TLN2: variants seen among roughly 807,000 people sequenced by gnomAD.
The protein encoded by TLN2 is talin 2.
In TLN2, 118 loss-of-function variants were observed where a neutral mutation model predicts 294.7. That is an observed-to-expected ratio of 0.40 (90% CI 0.34 to 0.47). The LOEUF (loss-of-function observed/expected upper bound fraction) is 0.47, where lower values mean the gene tolerates loss of function less well. Among genes scored for constraint, TLN2 ranks in the 20% least tolerant of loss-of-function variants. The probability of loss-of-function intolerance (pLI) is 0.84; values close to 1 mark genes in which losing one functional copy is unlikely to be tolerated. For synonymous variants in TLN2, 1,431 were observed against 1,304.5 expected, an observed-to-expected ratio of 1.10 and a Z score of -2.09; for missense variants, 3,083 against 3,282.2, an observed-to-expected ratio of 0.94 and a Z score of 1.48.
At chr15:62,747,158 T>C (rs1266469197) in intron 32 of TLN2, among the ~76,000 whole-genome samples, 1 of 152,196 alleles carries the variant, frequency 6.6e-6, no homozygotes, top group African/African-American at 2.4e-5. Context: ...TTCAAAATTA[T>C]CCATGTCATT....
chr15:62,610,515 CCTT>C (rs1301605779), intron 2 of TLN2, among the ~76,000 whole-genome samples: 3 of 152,196 alleles, frequency 2.0e-5, no homozygotes, highest in Non-Finnish European at 4.4e-5. Context: ...ATCACAGCCT[CCTT>C]CTGCTTAGGA....
At chr15:62,429,130 T>TA (rs201052996) in intron 1 of TLN2, among the ~76,000 whole-genome samples, 1 of 74,894 alleles carries the variant, frequency 1.3e-5, no homozygotes, top group Admixed American at 1.5e-4. Flanking sequence ...TTGGCGGGGG[T>TA]TGGGGGGGTA....
intron 37 of TLN2, among the ~76,000 whole-genome samples, chr15:62,759,330 G>A (rs1463804): frequency 0.92 from 140,444 of 152,294 alleles, 65,497 homozygotes; most frequent in East Asian, 1. Flanking sequence ...TGATTGATAT[G>A]GCTTGCTATT....
At chr15:62,708,027 C>T (rs1260107222) in intron 20 of TLN2, among the ~76,000 whole-genome samples, 2 of 151,934 alleles carry the variant, frequency 1.3e-5, no homozygotes, top group East Asian at 1.9e-4. Flanking sequence ...TCATTGTCCA[C>T]GCTGCTAGAA....
At chr15:62,427,801 C>T (rs1595780056) in intron 1 of TLN2, among the ~76,000 whole-genome samples, 1 of 152,124 alleles carries the variant, frequency 6.6e-6, no homozygotes, top group African/African-American at 2.4e-5. Flanking sequence ...TGGGAAGCCT[C>T]GACTCCCTAT....
intron 1 of TLN2, among the ~76,000 whole-genome samples, chr15:62,556,486 T>A (rs984709724): frequency 6.6e-6 from 1 of 151,962 alleles, no homozygotes; most frequent in African/African-American, 2.4e-5. Context: ...TTTTGTACTT[T>A]TTTTTTTGTA....
At chr15:62,746,957 C>T (rs963385216) in intron 32 of TLN2, among the ~76,000 whole-genome samples, 9 of 152,082 alleles carry the variant, frequency 5.9e-5, no homozygotes, top group African/African-American at 1.2e-4. Context: ...TAAAGCTAGT[C>T]GTTAAGACAG....
chr15:62,560,500 T>C (rs2042866813), intron 1 of TLN2, among the ~76,000 whole-genome samples: 1 of 152,156 alleles, frequency 6.6e-6, no homozygotes, highest in African/African-American at 2.4e-5. Flanking sequence ...CTAATTTTTG[T>C]ATTTTTAGTA....
At chr15:62,831,068 G>A (rs554530566) in intron 54 of TLN2, 3 of 150,718 alleles carry the variant, frequency 2.0e-5, no homozygotes, top group South Asian at 4.2e-4. Context: ...TCCAGGCAGC[G>A]GAAGATGTGG....
intron 1 of TLN2, among the ~76,000 whole-genome samples, chr15:62,392,547 G>T (rs1273163008): frequency 6.6e-6 from 1 of 152,190 alleles, no homozygotes; most frequent in Non-Finnish European, 1.5e-5. Context: ...CGGGAGTGGG[G>T]AATCTTTACT....
intron 28 of TLN2, among the ~76,000 whole-genome samples, chr15:62,734,857 C>A (rs2140952173): frequency 6.6e-6 from 1 of 152,326 alleles, no homozygotes; most frequent in Admixed American, 6.5e-5. Flanking sequence ...TATTGTATCT[C>A]AGAGCCTCAC....
chr15:62,539,683 A>G (rs2041561103), intron 1 of TLN2, among the ~76,000 whole-genome samples: 1 of 152,160 alleles, frequency 6.6e-6, no homozygotes. Flanking sequence ...GGGGCTCATT[A>G]TCTCAGGTGA....
At chr15:62,736,730 T>A in intron 28 of TLN2, 148 bp from the exon 29 acceptor site, 1 of 875,786 alleles carries the variant, frequency 1.1e-6, no homozygotes, top group South Asian at 1.8e-5. Context: ...GCCAGCTACT[T>A]CTTTGAGAAA....
chr15:62,671,238 C>T (rs776163188), intron 9 of TLN2, among the ~76,000 whole-genome samples: 19 of 151,972 alleles, frequency 1.3e-4, no homozygotes, highest in Non-Finnish European at 2.6e-4. Context: ...ATTGTATTTT[C>T]GCTTTCTTGA....
chr15:62,653,858 A>G (rs537076141), intron 7 of TLN2, among the ~76,000 whole-genome samples: 19 of 152,224 alleles, frequency 1.2e-4, no homozygotes, highest in African/African-American at 4.3e-4. Flanking sequence ...AATTTTTTTA[A>G]TAGTGTGAAC....
chr15:62,675,699 C>T (rs1438109729), intron 11 of TLN2, among the ~76,000 whole-genome samples: 1 of 152,188 alleles, frequency 6.6e-6, no homozygotes. Flanking sequence ...AAATCGAATT[C>T]ATGTGATAAA....
chr15:62,521,469 G>GA (rs2040453216), intron 1 of TLN2, among the ~76,000 whole-genome samples: 2 of 146,208 alleles, frequency 1.4e-5, no homozygotes, highest in Admixed American at 1.4e-4. Context: ...TAGGGAGACA[G>GA]TTGGGGGGCA....
chr15:62,674,900 G>A (rs2055980019), intron 10 of TLN2, among the ~76,000 whole-genome samples: 1 of 152,196 alleles, frequency 6.6e-6, no homozygotes, highest in African/African-American at 2.4e-5. Flanking sequence ...GGGACGTGGA[G>A]TCCTTTGACA....
intron 32 of TLN2, among the ~76,000 whole-genome samples, chr15:62,741,767 G>GTGTGTGTGTGTGTGTGTA (rs1353440110): frequency 7.3e-5 from 11 of 151,676 alleles, no homozygotes; most frequent in African/African-American, 2.4e-4. Context: ...GTGTGTGTGT[G>GTGTGTGTGTGTGTGTGTA]TCTTTATGTC....
Sources: gnomAD v4.1 joint callset for allele counts (sites outside exome capture counted in the v4.1 genomes callset) on GRCh38, gnomAD v4.1.1 for gene constraint, MANE v1.5 for transcripts, NCBI Gene and HGNC (gene_info 2026-07-23, HGNC 2026-07-21) for gene names.